The following OTOF variants were observed in gnomAD, a reference collection of about 807,000 sequenced individuals.
OTOF encodes the protein otoferlin.
OTOF carries 218 observed loss-of-function variants against 236.8 expected under a neutral mutation model. The ratio of observed to expected loss-of-function variants is 0.92; its 90% CI spans 0.82 to 1.03. The LOEUF (loss-of-function observed/expected upper bound fraction) is 1.03, where lower values mean the gene tolerates loss of function less well. Among genes scored for constraint, OTOF ranks in the 50% least tolerant of loss-of-function variants. OTOF has a pLI of 0.00. For missense variants in OTOF, 2,590 were observed against 2,694.4 expected (o/e 0.96, Z 0.86); for synonymous variants, 1,041 against 1,072.5 (o/e 0.97, Z 0.57).
chr2:26,532,492 G>A (rs1238718805), intron 2 of OTOF, among the ~76,000 whole-genome samples: 2 of 152,232 alleles, frequency 1.3e-5, no homozygotes, highest in Non-Finnish European at 2.9e-5. Context: ...CTTGCTGTGT[G>A]CCAGGCTCTG....
At chr2:26,500,480 C>T (rs988734296) in intron 8 of OTOF, among the ~76,000 whole-genome samples, 4 of 152,182 alleles carry the variant, frequency 2.6e-5, no homozygotes. Flanking sequence ...GAAACAAAGC[C>T]CTGAGCCCAA....
chr2:26,458,023 G>A lies in OTOF; in HGVS notation c.*215C>T. 6.2e-7 allele frequency: 1 copy of A among 1,608,438 alleles called. No homozygotes were observed. The highest frequency in any genetic ancestry group is 1.1e-5 in the South Asian group (1 of 90,622). On this transcript the variant is annotated 3_prime_UTR_variant, in exon 47 of 47. Transcript: ENST00000272371. The stretch of plus-strand genomic sequence containing the variant: ...ATGCGGCAGGGCTGGGGAGCGGCTG[G>A]CGGGAGCTGGCGGCCTTCATGCCCC...
At chr2:26,492,318 A>G (rs1665868244) in intron 9 of OTOF, among the ~76,000 whole-genome samples, 1 of 152,204 alleles carries the variant, frequency 6.6e-6, no homozygotes, top group Non-Finnish European at 1.5e-5. Context: ...TCCCACCACA[A>G]TTATCCAGTC....
chr2:26,505,649 T>C (rs1249394017), intron 5 of OTOF, among the ~76,000 whole-genome samples: 2 of 152,190 alleles, frequency 1.3e-5, no homozygotes, highest in African/African-American at 4.8e-5. Context: ...GAACTGGGAT[T>C]GAAGCAGAAA....
chr2:26,494,304 T>C (rs906895360), intron 9 of OTOF, among the ~76,000 whole-genome samples: 1 of 152,222 alleles, frequency 6.6e-6, no homozygotes, highest in African/African-American at 2.4e-5. Flanking sequence ...AAATGTTTTC[T>C]CTTTCACACC....
chr2:26,555,170 G>C (rs1381574808), intron 1 of OTOF, among the ~76,000 whole-genome samples: 1 of 152,212 alleles, frequency 6.6e-6, no homozygotes, highest in Non-Finnish European at 1.5e-5. Flanking sequence ...TCCTCTCTTT[G>C]AGTAGCAACC....
At chr2:26,518,489 G>T (rs377049358) in intron 4 of OTOF, among the ~76,000 whole-genome samples, 1 of 152,246 alleles carries the variant, frequency 6.6e-6, no homozygotes, top group African/African-American at 2.4e-5. Context: ...CTGGGGCCAG[G>T]CTGTCCTGGT....
At position 26,489,697 on chromosome 2, in the gene OTOF, T is replaced by C. The variant is rs1226147575; in HGVS notation, c.941A>G (p.Asp314Gly). ...DFHVSPDVMF[D>G]KIIKISVIHS... ...ACTCACCGAAATCTTGATGATCTTG[T>C]CAAACATGACATCCGGAGAGACATG... Residue 314 changes from aspartate to glycine, a missense_variant, in exon 10 of 47, where the codon GAC (aspartate) becomes GGC (glycine). Physicochemically the swap from Asp to Gly is moderately conservative, Grantham distance 94. Around this residue, in one of 2 missense-constraint regions of OTOF, gnomAD observed 1,379 missense variants for 1,341.6 expected, o/e 1.03. Coordinates refer to ENST00000272371, the MANE Select transcript of OTOF (RefSeq NM_194248.3). The C allele has an allele frequency of 1.2e-6, 2 of 1,612,984 alleles. No homozygotes were observed. The highest frequency in any genetic ancestry group is 8.5e-7 in the Non-Finnish European group (1 of 1,179,910).
rs377393093 is a variant in OTOF, at chr2:26,466,692, G to T, written c.4500+22C>A. On this transcript the variant is annotated intron_variant, in intron 36 of 46. Transcript: ENST00000272371. ...GGGAGGATGAGGAGACTTGCAAGGA[G>T]GGAAAGCGACGGGAGTCTCACCCGG... 257 of 1,614,052 alleles carry T rather than the reference G, an allele frequency of 1.6e-4. 2 individuals carry two copies. The African/African-American group carries it at 3.2e-3, about 20-fold the overall frequency.
intron 4 of OTOF, among the ~76,000 whole-genome samples, chr2:26,516,956 A>G (rs989828668): frequency 1.3e-5 from 2 of 152,034 alleles, no homozygotes; most frequent in African/African-American, 2.4e-5. Flanking sequence ...CAGCATCCCC[A>G]TGATCAGGCC....
chr2:26,458,071 C>G lies in OTOF; in HGVS notation c.*167G>C. 6.2e-7 allele frequency: 1 copy of G among 1,614,062 alleles called. No homozygotes were observed. The highest frequency in any genetic ancestry group is 8.5e-7 in the Non-Finnish European group (1 of 1,179,938). ...CCCAAGGAGCTTTTTGACCATGTAG[C>G]CAGGGAGGCTGTAGAGGAAGAGCCC... On this transcript the variant is annotated 3_prime_UTR_variant, in exon 47 of 47. Coordinates refer to ENST00000272371, the MANE Select transcript of OTOF (RefSeq NM_194248.3).
intron 8 of OTOF, among the ~76,000 whole-genome samples, chr2:26,497,475 A>AACT (rs527778212): frequency 8.1e-4 from 124 of 152,214 alleles, no homozygotes; most frequent in Non-Finnish European, 1.5e-3. Context: ...GCTTTGATGC[A>AACT]ACTTCTAAAT....
At chr2:26,556,268 T>C (rs1298626174) in intron 1 of OTOF, among the ~76,000 whole-genome samples, 1 of 152,170 alleles carries the variant, frequency 6.6e-6, no homozygotes, top group African/African-American at 2.4e-5. Flanking sequence ...CCCCCAGTGG[T>C]TGCATGTGCT....
chr2:26,473,308 G>A lies in OTOF; in HGVS notation c.3571-14C>T, dbSNP rs751077062. Reference sequence around the variant, plus strand: ...CTCTGGGAGGTCCTGGGGTGTTGGCGACAGGAGCCTGAGCCTCCAAGAAGG... The same window carrying A: ...CTCTGGGAGGTCCTGGGGTGTTGGCAACAGGAGCCTGAGCCTCCAAGAAGG... On this transcript the variant is annotated splice_polypyrimidine_tract_variant and intron_variant, in intron 28 of 46. Transcript: ENST00000272371. The surrounding 1 kb of genome is among the most constrained non-coding windows in gnomAD (Gnocchi z 7.2). The A allele has an allele frequency of 9.9e-6, 16 of 1,613,078 alleles. No individual in the cohort carries two copies. Among genetic ancestry groups the A allele is most frequent in the African/African-American group, 2.7e-5 (2 of 74,904 alleles).
At chr2:26,510,257 G>C (rs188077148) in intron 5 of OTOF, among the ~76,000 whole-genome samples, 88 of 152,094 alleles carry the variant, frequency 5.8e-4, no homozygotes, top group Middle Eastern at 3.4e-3. Context: ...AGCTGCAAAG[G>C]GTACCCAGAG....
chr2:26,484,996 G>C (rs1369002180), intron 11 of OTOF, among the ~76,000 whole-genome samples: 1 of 152,202 alleles, frequency 6.6e-6, no homozygotes, highest in Non-Finnish European at 1.5e-5. Context: ...GCCTTCCCAG[G>C]TGGAGGCTCA....
rs1558471509 is a variant in OTOF, at chr2:26,466,005, AG to A, written c.4571del (p.Thr1524MetfsTer34). The stretch of plus-strand genomic sequence containing the variant: ...TGTAGTTCTCCTTGTCGCGGATGTC[AG>A]TCTTGCCTAGCCGGATGGCGATGTA... ...DPYIAIRLGK[T>X]DIRDKENYIS... On this transcript the variant is annotated frameshift_variant, in exon 37 of 47. Coordinates refer to ENST00000272371, the MANE Select transcript of OTOF (RefSeq NM_194248.3). LOFTEE classifies it high-confidence loss of function. 1 of 1,614,228 alleles carries A rather than the reference AG, an allele frequency of 6.2e-7. No homozygotes were observed.
Position 26,460,767 on chromosome 2 carries a change from C to T in OTOF, c.5713-20G>A. ...CTTGCCCTGCAGAGGACAGACAGGTCCCAGCGTCCAGGCTGCGTGCTGGGC... is the reference window on the plus strand; with the variant it reads ...CTTGCCCTGCAGAGGACAGACAGGTTCCAGCGTCCAGGCTGCGTGCTGGGC... On this transcript the variant is annotated intron_variant, in intron 44 of 46. Coordinates refer to ENST00000272371, the MANE Select transcript of OTOF (RefSeq NM_194248.3). The surrounding 1 kb of genome is among the most constrained non-coding windows in gnomAD (Gnocchi z 5.3). 1 of 1,613,776 alleles carries T rather than the reference C, an allele frequency of 6.2e-7. No homozygotes were observed.
Position 26,462,275 on chromosome 2 carries a change from G to A in OTOF, c.5193-94C>T. On this transcript the variant is annotated intron_variant, in intron 41 of 46. Transcript: ENST00000272371. The surrounding 1 kb of genome is among the most constrained non-coding windows in gnomAD (Gnocchi z 4.7). ...ATGGGGCAGGCGGAGAGAAGCCCTG[G>A]GGTCTTGGGGTCAGCACAGGGCCTG... is the stretch of plus-strand genomic sequence containing the variant. 1 of 1,071,328 alleles carries A rather than the reference G, an allele frequency of 9.3e-7. No individual in the cohort carries two copies. The highest frequency in any genetic ancestry group is 1.4e-6 in the Non-Finnish European group (1 of 691,076). 66.4% of individuals were successfully genotyped at this position (1,071,328 alleles called of 1,614,324 possible).
Sources: gnomAD v4.1 joint callset for allele counts (sites outside exome capture counted in the v4.1 genomes callset) on GRCh38, gnomAD v4.1.1 for gene constraint, gnomAD v4.1.1 regional missense constraint, Gnocchi (gnomAD v3.1) non-coding constraint, MANE v1.5 for transcripts, NCBI Gene and HGNC (gene_info 2026-07-23, HGNC 2026-07-21) for gene names.